The following RPS24 variants were observed in gnomAD, a reference collection of about 807,000 sequenced individuals.
RPS24 encodes small ribosomal subunit protein eS24.
For synonymous variants in RPS24, 72 were observed against 55.6 expected (o/e 1.30, Z -1.31); for missense variants, 100 against 162.5 (o/e 0.62, Z 2.09).
Position 78,037,174 on chromosome 10 carries a change from T to G in RPS24, c.280-20T>G, listed in dbSNP as rs1470302432. ...TTTTAATGTTTACAAGTCACCTGGATGTACTCTTTTCTCATTCAGCATGGC... is the reference window on the plus strand; with the variant it reads ...TTTTAATGTTTACAAGTCACCTGGAGGTACTCTTTTCTCATTCAGCATGGC... On this transcript the variant is annotated intron_variant, in intron 3 of 5. Coordinates refer to ENST00000372360, the MANE Select transcript of RPS24 (RefSeq NM_033022.4). 2 of 1,588,598 alleles carry G rather than the reference T, an allele frequency of 1.3e-6. No homozygotes were observed. Among genetic ancestry groups the G allele is most frequent in the African/African-American group, 1.3e-5 (1 of 74,442 alleles).
chr10:78,035,889 A>C (rs189728325), intron 3 of RPS24, 169 bp downstream of exon 3: 105 of 653,388 alleles, frequency 1.6e-4, no homozygotes, highest in Non-Finnish European at 2.5e-4. Flanking sequence ...CGGGGGTTCA[A>C]AATTGAAGTC....
chr10:78,040,587 G>A, intron 5 of RPS24, 28 bp from the exon 6 acceptor site: 1 of 1,566,504 alleles, frequency 6.4e-7, no homozygotes, highest in Non-Finnish European at 8.8e-7. Flanking sequence ...GGCAGTTGTT[G>A]ACTAAACTTC....
chr10:78,037,810 T>G, intron 4 of RPS24: 1 of 466,708 alleles, frequency 2.1e-6, no homozygotes, highest in Non-Finnish European at 3.5e-6. Flanking sequence ...TTTACCAGCT[T>G]TGCTAGCTGT....
rs771754067 is a variant in RPS24, at chr10:78,033,869, T to C, written c.-33T>C. 1 of 1,613,984 alleles carries C rather than the reference T, an allele frequency of 6.2e-7. No individual in the cohort carries two copies. The highest frequency in any genetic ancestry group is 1.7e-5 in the Admixed American group (1 of 60,030). On this transcript the variant is annotated 5_prime_UTR_variant, in exon 1 of 6. Transcript: ENST00000372360. ...TGGCCGGCGAATCGTGGTTCTCTTTTCCTCCTTGGCTGTCTGAAGATAGAT... is the reference window on the plus strand; with the variant it reads ...TGGCCGGCGAATCGTGGTTCTCTTTCCCTCCTTGGCTGTCTGAAGATAGAT...
Position 78,033,892 on chromosome 10 carries a change from G to T in RPS24, c.-10G>T, listed in dbSNP as rs371485901. On this transcript the variant is annotated 5_prime_UTR_variant, in exon 1 of 6. Transcript: ENST00000372360. ...TTTCCTCCTTGGCTGTCTGAAGATA[G>T]ATCGCCATCATGGTGAGTCTCCCTG... 5 of 1,614,000 alleles carry T rather than the reference G, an allele frequency of 3.1e-6. No homozygotes were observed. Among genetic ancestry groups the T allele is most frequent in the Middle Eastern group, 1.6e-4 (1 of 6,084 alleles).
chr10:78,045,823 G>A (rs1015247668), intron 4 of RPS24, among the ~76,000 whole-genome samples: 1 of 151,832 alleles, frequency 6.6e-6, no homozygotes, highest in African/African-American at 2.4e-5. Context: ...TGGCCAACAT[G>A]GTGAAACATC....
intron 4 of RPS24, among the ~76,000 whole-genome samples, chr10:78,045,873 G>T (rs976248315): frequency 6.6e-6 from 1 of 151,986 alleles, no homozygotes; most frequent in Non-Finnish European, 1.5e-5. Flanking sequence ...GTGGTGGTGC[G>T]TGCCTGTAAT....
chr10:78,035,860 A>G (rs1033126779), intron 3 of RPS24, 140 bp downstream of exon 3: 2 of 782,262 alleles, frequency 2.6e-6, no homozygotes, highest in Non-Finnish European at 4.4e-6. Context: ...GTTATTTCAT[A>G]AAATGCACAG....
intron 4 of RPS24, among the ~76,000 whole-genome samples, chr10:78,045,873 G>A (rs976248315): frequency 2.6e-5 from 4 of 152,104 alleles, no homozygotes; most frequent in East Asian, 3.9e-4. Context: ...GTGGTGGTGC[G>A]TGCCTGTAAT....
chr10:78,034,319 A>G, intron 1 of RPS24: 1 of 281,040 alleles, frequency 3.6e-6, no homozygotes, highest in South Asian at 4.8e-5. Context: ...GAGTTGCGGC[A>G]AGTGAAACCA....
At chr10:78,034,829 C>T (rs1382465711) in intron 1 of RPS24, among the ~76,000 whole-genome samples, 2 of 152,186 alleles carry the variant, frequency 1.3e-5, no homozygotes. Context: ...AAACACAGTT[C>T]ATTGAGTGAC....
At chr10:78,045,694 G>A (rs538231055), downstream of RPS24, among the ~76,000 whole-genome samples, 3 of 151,874 alleles carry the variant, frequency 2.0e-5, no homozygotes, top group Non-Finnish European at 4.4e-5. Flanking sequence ...TGTTGGCCAG[G>A]CTGGGGGCTT....
At chr10:78,044,680 T>G (rs1848023799), downstream of RPS24, among the ~76,000 whole-genome samples, 1 of 150,910 alleles carries the variant, frequency 6.6e-6, no homozygotes, top group Admixed American at 6.6e-5. Flanking sequence ...GAGACCTGCC[T>G]CCCAGTGCCC....
intron 4 of RPS24, among the ~76,000 whole-genome samples, chr10:78,050,531 A>G (rs1392384980): frequency 6.6e-6 from 1 of 152,230 alleles, no homozygotes; most frequent in Non-Finnish European, 1.5e-5. Context: ...TTCACAGACC[A>G]TATATTCACC....
At chr10:78,042,554 A>G (rs866686454), downstream of RPS24, among the ~76,000 whole-genome samples, 1 of 152,236 alleles carries the variant, frequency 6.6e-6, no homozygotes, top group African/African-American at 2.4e-5. Context: ...AGGCCCTCAC[A>G]GTAACCAGGC....
At chr10:78,045,358 C>T (rs1848032692), downstream of RPS24, among the ~76,000 whole-genome samples, 1 of 152,204 alleles carries the variant, frequency 6.6e-6, no homozygotes, top group African/African-American at 2.4e-5. Flanking sequence ...CTCCACTCAG[C>T]TTACAATCAG....
chr10:78,047,858 G>C (rs1042498176), intron 4 of RPS24, among the ~76,000 whole-genome samples: 15 of 152,206 alleles, frequency 9.9e-5, no homozygotes, highest in African/African-American at 3.6e-4. Context: ...CTATGCCTCT[G>C]TCCTATTCTT....
downstream of RPS24, among the ~76,000 whole-genome samples, chr10:78,045,703 T>C (rs1052851633): frequency 1.3e-5 from 2 of 150,780 alleles, no homozygotes; most frequent in African/African-American, 4.9e-5. Context: ...GGCTGGGGGC[T>C]TGTTAAAAAT....
At chr10:78,048,874 C>CA (rs59311975) in intron 4 of RPS24, 7,350 of 55,440 alleles carry the variant, frequency 0.13, 396 homozygotes, top group East Asian at 0.36. Flanking sequence ...GAGTCCATCT[C>CA]AAAAAAAAAA....
Sources: allele counts gnomAD v4.1 joint callset (sites outside exome capture counted in the v4.1 genomes callset), GRCh38; gene constraint gnomAD v4.1.1; transcripts MANE v1.5; gene names NCBI Gene and HGNC (gene_info 2026-07-23, HGNC 2026-07-21).